Variants in ATXN2 observed in about 807,000 individuals in gnomAD.
ATXN2 encodes the protein ataxin 2.
Under a neutral mutation model 138.6 loss-of-function variants are expected in ATXN2, and 37 were observed. That is an observed-to-expected ratio of 0.27 (90% CI 0.21 to 0.35). The LOEUF (loss-of-function observed/expected upper bound fraction) is 0.35. Ranked by LOEUF, ATXN2 falls within the 10% of genes least tolerant of loss-of-function variation. The pLI, the probability that ATXN2 is intolerant of heterozygous loss-of-function variation, is 1.00. For synonymous variants in ATXN2, 549 were observed against 543.7 expected, an observed-to-expected ratio of 1.01 and a Z score of -0.13; for missense variants, 1,216 against 1,480.3, an observed-to-expected ratio of 0.82 and a Z score of 2.93.
At chr12:111,549,840 G>T (rs1882027009) in intron 5 of ATXN2, among the ~76,000 whole-genome samples, 1 of 152,066 alleles carries the variant, frequency 6.6e-6, no homozygotes, top group African/African-American at 2.4e-5. Context: ...AAGGCAGGAG[G>T]ATCACAAGGT....
chr12:111,574,262 C>G (rs150676294), intron 1 of ATXN2, among the ~76,000 whole-genome samples: 37 of 139,572 alleles, frequency 2.7e-4, no homozygotes, highest in African/African-American at 9.2e-4. Context: ...GAGCCAAGAT[C>G]GCACCACTGC....
intron 11 of ATXN2, 166 bp from the exon 12 acceptor site, chr12:111,510,748 C>T: frequency 1.9e-6 from 1 of 521,592 alleles, no homozygotes; most frequent in Non-Finnish European, 3.2e-6. Context: ...AATTTGCTGG[C>T]AATCAAAACC....
At position 111,574,427 on chromosome 12, in the gene ATXN2, T is replaced by C. The variant is rs945556754; in HGVS notation, c.252-18508A>G. On this transcript the variant is annotated intron_variant, in intron 1 of 24. Transcript: ENST00000673436. ...CAAATGTAAATTCCTCATTTTCTTT[T>C]CTTTTTTTTGGCGGTGGGGGGATAG... Among the ~76,000 whole-genome samples the C allele has an allele frequency of 2.6e-5, 4 of 152,006 alleles. No individual in the cohort carries two copies. In the South Asian group the frequency reaches 6.2e-4, roughly 24 times the overall value.
rs1207533490 is a variant in ATXN2, at chr12:111,457,227, G to A, written c.3029C>T (p.Pro1010Leu). Residue 1010 changes from proline (P) to leucine (L), a missense_variant, in exon 22 of 25, where the codon CCC (proline) becomes CTC (leucine). Transcript: ENST00000673436. ...AGTTGCCCTTACCTGAACAGGACTG[G>A]GTGCAGGATGACTTCCACCATGTTG... ...QSQHGGSHPA[P>L]SPVQHHQHQA... 6.2e-7 allele frequency: 1 copy of A among 1,613,684 alleles called. No individual in the cohort carries two copies. Among genetic ancestry groups the A allele is most frequent in the African/African-American group, 1.3e-5 (1 of 74,896 alleles).
chr12:111,514,381 G>A (rs942431766), intron 10 of ATXN2, among the ~76,000 whole-genome samples: 6 of 152,200 alleles, frequency 3.9e-5, no homozygotes, highest in African/African-American at 1.4e-4. Flanking sequence ...AGAGTGGACA[G>A]AATGGCCCTC....
rs1874872163 is a variant in ATXN2, at chr12:111,453,974, T to C, written c.3271-129A>G. 1.2e-6 allele frequency: 1 copy of C among 867,958 alleles called. No individual in the cohort carries two copies. The highest frequency in any genetic ancestry group is 1.7e-6 in the Non-Finnish European group (1 of 575,438). The allele number at this position is 867,958 out of a possible 1,614,324, so 53.8% of individuals were successfully genotyped here. On this transcript the variant is annotated intron_variant, in intron 23 of 24. Transcript: ENST00000673436. The surrounding 1 kb of genome is among the most constrained non-coding windows in gnomAD (Gnocchi z 5.4). Reference sequence around the variant, plus strand: ...GGTGGGCCTCAGGGCCCAGTTCTGTTCTCTGGGGACAATCTCTAGTAGATT... The same window carrying C: ...GGTGGGCCTCAGGGCCCAGTTCTGTCCTCTGGGGACAATCTCTAGTAGATT...
intron 14 of ATXN2, among the ~76,000 whole-genome samples, chr12:111,508,302 T>C (rs538952713): frequency 6.6e-6 from 1 of 152,036 alleles, no homozygotes; most frequent in East Asian, 1.9e-4. Flanking sequence ...GGGAAGCAGC[T>C]GAGGAGGGGC....
At chr12:111,576,655 G>A (rs1050064379) in intron 1 of ATXN2, among the ~76,000 whole-genome samples, 2 of 151,698 alleles carry the variant, frequency 1.3e-5, no homozygotes, top group African/African-American at 2.4e-5. Flanking sequence ...GCCAATTTGT[G>A]TATTTGTAAT....
intron 1 of ATXN2, among the ~76,000 whole-genome samples, chr12:111,590,618 G>A (rs1335901747): frequency 6.6e-6 from 1 of 151,724 alleles, no homozygotes; most frequent in Middle Eastern, 3.2e-3. Flanking sequence ...CCGGGAGGCA[G>A]AGGTTGCAGT....
chr12:111,505,346 A>C (rs1174438081), intron 14 of ATXN2, among the ~76,000 whole-genome samples: 1 of 152,270 alleles, frequency 6.6e-6, no homozygotes, highest in Non-Finnish European at 1.5e-5. Context: ...CTTCAAAATC[A>C]GATAAATTGG....
At chr12:111,486,347 A>C (rs1877641646) in intron 16 of ATXN2, among the ~76,000 whole-genome samples, 1 of 152,206 alleles carries the variant, frequency 6.6e-6, no homozygotes, top group Non-Finnish European at 1.5e-5. Flanking sequence ...TACCTAAAAC[A>C]AGGTAAATGC....
At chr12:111,482,432 G>A (rs1309577922) in intron 18 of ATXN2, among the ~76,000 whole-genome samples, 1 of 151,510 alleles carries the variant, frequency 6.6e-6, no homozygotes, top group Non-Finnish European at 1.5e-5. Context: ...CTGACCTCGT[G>A]ATCTGCCCAC....
At chr12:111,466,619 CTG>C in intron 20 of ATXN2, among the ~76,000 whole-genome samples, 2 of 152,330 alleles carry the variant, frequency 1.3e-5, no homozygotes, top group East Asian at 3.9e-4. Context: ...TATCATTTAA[CTG>C]TTCAGTAATG....
At chr12:111,526,654 C>A (rs1880524493) in intron 5 of ATXN2, among the ~76,000 whole-genome samples, 1 of 152,158 alleles carries the variant, frequency 6.6e-6, no homozygotes, top group Non-Finnish European at 1.5e-5. Flanking sequence ...ATCCACCCAC[C>A]TTGGCCTCCC....
At chr12:111,576,136 A>G (rs1883633761) in intron 1 of ATXN2, among the ~76,000 whole-genome samples, 1 of 151,148 alleles carries the variant, frequency 6.6e-6, no homozygotes, top group African/African-American at 2.4e-5. Flanking sequence ...ATAACATAAC[A>G]TCACACCAAA....
At chr12:111,575,868 G>T (rs531683491) in intron 1 of ATXN2, among the ~76,000 whole-genome samples, 1 of 152,202 alleles carries the variant, frequency 6.6e-6, no homozygotes, top group South Asian at 2.1e-4. Context: ...TGGATCATGA[G>T]GTCAGGAGTT....
intron 2 of ATXN2, 90 bp from the exon 3 acceptor site, chr12:111,554,307 A>G (rs1190072951): frequency 1.1e-6 from 1 of 915,680 alleles, no homozygotes; most frequent in Non-Finnish European, 1.5e-6. Flanking sequence ...AGTATTTTAG[A>G]CTGCGGATTT....
intron 21 of ATXN2, 81 bp from the exon 22 acceptor site, chr12:111,457,440 TTTC>T: frequency 6.8e-7 from 1 of 1,473,494 alleles, no homozygotes; most frequent in Non-Finnish European, 9.1e-7. Context: ...TCAACTGAAC[TTTC>T]TTGATGGTTA....
chr12:111,470,160 T>C lies in ATXN2; in HGVS notation c.2790A>G (p.Val930=), dbSNP rs1593105052. ...CCCCGTACTGAGTTGCTGAAGAAGA[T>C]ACTAAACCAGGCTGGGCGTGTGTTG... ...APPTHAQPGL[V]SSSATQYGAH... The change falls in exon 20 of 25, where the codon GTA becomes GTG. Residue 930 remains valine (V), a synonymous_variant. Transcript: ENST00000673436. 1.9e-6 allele frequency: 3 copies of C among 1,614,172 alleles called. No individual in the cohort carries two copies. The highest frequency in any genetic ancestry group is 2.5e-6 in the Non-Finnish European group (3 of 1,180,014).
Sources: allele counts gnomAD v4.1 joint callset (sites outside exome capture counted in the v4.1 genomes callset), GRCh38; gene constraint gnomAD v4.1.1; non-coding constraint Gnocchi (gnomAD v3.1); transcripts MANE v1.5; gene names NCBI Gene and HGNC (gene_info 2026-07-23, HGNC 2026-07-21).